The following NRG1 variants were observed in gnomAD, a reference collection of about 807,000 sequenced individuals.
The protein encoded by NRG1 is neuregulin 1, also known as pro-neuregulin-1, membrane-bound isoform.
A neutral mutation model predicts 63.8 loss-of-function variants in NRG1; 18 were observed. The observed-to-expected ratio is 0.28, with a 90% confidence interval of 0.19 to 0.42. The LOEUF is 0.42. NRG1 is among the 10% of genes least tolerant of loss of function. The probability of loss-of-function intolerance (pLI) is 1.00; values close to 1 mark genes in which losing one functional copy is unlikely to be tolerated. For missense variants in NRG1, 762 were observed against 814.7 expected (o/e 0.94, Z 0.79); for synonymous variants, 302 against 301.3 (o/e 1.00, Z -0.02).
At chr8:32,264,390 G>C (rs1850698446) in intron 1 of NRG1, among the ~76,000 whole-genome samples, 1 of 152,014 alleles carries the variant, frequency 6.6e-6, no homozygotes. Context: ...TAAAGACAGA[G>C]GTAACATTAG....
chr8:32,076,468 C>T (rs142339854), intron 1 of NRG1, among the ~76,000 whole-genome samples: 17 of 152,078 alleles, frequency 1.1e-4, no homozygotes, highest in African/African-American at 3.1e-4. Flanking sequence ...ACATAGTTCA[C>T]GTTGAGTGTT....
In NRG1 at chr8:31,648,124, CTTTTTTTTTTTTTT is replaced by C. The variant is rs36074483; in HGVS notation, c.37+8707_37+8720del. 7.8e-5 allele frequency among the ~76,000 whole-genome samples: 4 copies of C among 51,274 alleles called. No homozygotes were observed. In the East Asian group the frequency reaches 2.2e-3, roughly 29 times the overall value. 33.6% of individuals were successfully genotyped at this position (51,274 alleles called of 152,430 possible). A position where few individuals can be genotyped will look rare whatever the true frequency, so the allele number is the denominator to read the frequency against. ...TTCTGTCTTTACAAATTTGACTACT[CTTTTTTTTTTTTTT>C]TTTTTTTTTTTTTGAGACGGAGTTT... On this transcript the variant is annotated intron_variant, in intron 1 of 10. Coordinates refer to the NRG1 transcript ENST00000519301.
intron 1 of NRG1, among the ~76,000 whole-genome samples, chr8:32,322,389 G>A (rs978182562): frequency 6.7e-6 from 1 of 148,648 alleles, no homozygotes; most frequent in Non-Finnish European, 1.5e-5. Flanking sequence ...CCATTAATTT[G>A]ATTGTTTTTA....
rs368376882 is a variant in NRG1 at position 31,834,272 on chromosome 8, A to C, written c.37+194841A>C. 4.2e-5 allele frequency among the ~76,000 whole-genome samples: 4 copies of C among 96,230 alleles called. No homozygotes were observed. In the East Asian group the frequency reaches 1.8e-3, roughly 44 times the overall value. 63.1% of individuals were successfully genotyped at this position (96,230 alleles called of 152,430 possible). On this transcript the variant is annotated intron_variant, in intron 1 of 10. Coordinates refer to the NRG1 transcript ENST00000519301. ...TTCATCTATGTAAAGAATTGGAAAA[A>C]GTAGATCTCCCTTCATGCGTGTGCG...
At chr8:32,618,045 A>G (rs559525757) in intron 5 of NRG1, among the ~76,000 whole-genome samples, 2 of 152,194 alleles carry the variant, frequency 1.3e-5, no homozygotes, top group Admixed American at 6.6e-5. Context: ...AAAGGGCCAA[A>G]TTAGTTTCCT....
chr8:31,829,184 G>A (rs1824868243), intron 1 of NRG1, among the ~76,000 whole-genome samples: 1 of 152,192 alleles, frequency 6.6e-6, no homozygotes, highest in Admixed American at 6.5e-5. Context: ...TACATTTGCA[G>A]TCCCTTGTAA....
intron 1 of NRG1, among the ~76,000 whole-genome samples, chr8:31,823,948 A>G (rs1824252564): frequency 6.6e-6 from 1 of 152,218 alleles, no homozygotes; most frequent in African/African-American, 2.4e-5. Context: ...CTTGGTTCTT[A>G]TAAGAATCCA....
intron 1 of NRG1, among the ~76,000 whole-genome samples, chr8:31,838,963 G>A (rs1167551008): frequency 1.3e-5 from 2 of 151,818 alleles, no homozygotes; most frequent in Non-Finnish European, 2.9e-5. Flanking sequence ...GCATTTTTTT[G>A]GTTCCTAATC....
At chr8:32,580,856 T>C (rs928952858) in intron 1 of NRG1, among the ~76,000 whole-genome samples, 9 of 150,736 alleles carry the variant, frequency 6.0e-5, no homozygotes, top group African/African-American at 2.4e-5. Flanking sequence ...ATAGTACCCA[T>C]TGAGCAGTGT....
chr8:32,363,999 T>C (rs572491222), intron 1 of NRG1, among the ~76,000 whole-genome samples: 15 of 150,146 alleles, frequency 1.0e-4, no homozygotes, highest in African/African-American at 3.7e-4. Flanking sequence ...AACAATTTTT[T>C]AAGAGAACAA....
chr8:32,693,786 G>A (rs16879773), intron 5 of NRG1, among the ~76,000 whole-genome samples: 32,140 of 151,970 alleles, frequency 0.21, 4,051 homozygotes, highest in Non-Finnish European at 0.27. Flanking sequence ...AAAATTTTGC[G>A]AACCATTGTG....
At chr8:32,387,648 C>T (rs1440189683) in intron 1 of NRG1, among the ~76,000 whole-genome samples, 1 of 152,036 alleles carries the variant, frequency 6.6e-6, no homozygotes, top group African/African-American at 2.4e-5. Flanking sequence ...TGATTCTTTA[C>T]CCTAATGAAG....
chr8:32,170,553 G>T (rs546892534), intron 1 of NRG1, among the ~76,000 whole-genome samples: 1 of 152,158 alleles, frequency 6.6e-6, no homozygotes, highest in Non-Finnish European at 1.5e-5. Flanking sequence ...AGAGCCACTG[G>T]ATGTTCAGGC....
intron 1 of NRG1, among the ~76,000 whole-genome samples, chr8:32,473,713 G>A (rs186378090): frequency 1.9e-4 from 29 of 152,110 alleles, no homozygotes; most frequent in African/African-American, 2.4e-4. Context: ...AGAAATGATC[G>A]TGTTCTGTCA....
intron 2 of NRG1, among the ~76,000 whole-genome samples, chr8:32,596,834 A>G (rs1027570641): frequency 3.3e-5 from 5 of 152,156 alleles, no homozygotes; most frequent in Admixed American, 1.3e-4. Context: ...AAAGCACATC[A>G]TCATTCTAGC....
chr8:32,296,405 G>C (rs1014116865), intron 1 of NRG1, among the ~76,000 whole-genome samples: 1 of 152,090 alleles, frequency 6.6e-6, no homozygotes, highest in Non-Finnish European at 1.5e-5. Context: ...GCTGAGGTCA[G>C]GAGTTCCAGA....
chr8:32,608,423 G>T (rs1162052972), intron 3 of NRG1, among the ~76,000 whole-genome samples: 2 of 152,006 alleles, frequency 1.3e-5, no homozygotes, highest in Non-Finnish European at 2.9e-5. Flanking sequence ...TGCCCACTGT[G>T]GAACTCCTGA....
intron 1 of NRG1, among the ~76,000 whole-genome samples, chr8:32,168,445 G>A (rs1319467723): frequency 1.3e-5 from 2 of 152,106 alleles, no homozygotes; most frequent in Non-Finnish European, 2.9e-5. Context: ...TATTATCAGG[G>A]GATTTACTTG....
At chr8:32,442,987 T>A (rs1346310711) in intron 1 of NRG1, among the ~76,000 whole-genome samples, 2 of 152,016 alleles carry the variant, frequency 1.3e-5, no homozygotes, top group Non-Finnish European at 2.9e-5. Context: ...TGGAGTGCAG[T>A]GATGTGATTA....
Sources: allele counts gnomAD v4.1 joint callset (sites outside exome capture counted in the v4.1 genomes callset), GRCh38; gene constraint gnomAD v4.1.1; transcripts MANE v1.5; gene names NCBI Gene and HGNC (gene_info 2026-07-23, HGNC 2026-07-21).